The following SEMA6B variants were observed in gnomAD, a reference collection of about 807,000 sequenced individuals.
The protein encoded by SEMA6B is semaphorin 6B.
Under a neutral mutation model 78.6 loss-of-function variants are expected in SEMA6B, and 47 were observed. That is an observed-to-expected ratio of 0.60 (90% CI 0.47 to 0.76). The LOEUF (loss-of-function observed/expected upper bound fraction) is 0.76, where lower values mean the gene tolerates loss of function less well. SEMA6B is among the 30% of genes least tolerant of loss of function. SEMA6B has a pLI of 0.00. For synonymous variants in SEMA6B, 632 were observed against 592.2 expected (o/e 1.07, Z -0.98); for missense variants, 1,213 against 1,269.9 (o/e 0.96, Z 0.68).
In SEMA6B at chr19:4,543,894, G is replaced by T. The variant is rs1000923239; in HGVS notation, c.2374C>A (p.His792Asn). Reference sequence around the variant, plus strand: ...ACCCGCCGGCGGTCCGGGCTGGCGTGGGGGGTGAGCGGGAAGTCGCCGTGG... The same window carrying T: ...ACCCGCCGGCGGTCCGGGCTGGCGTTGGGGGTGAGCGGGAAGTCGCCGTGG... ...ASHGDFPLTP[H>N]ASPDRRRVVS... Residue 792 changes from histidine (H) to asparagine (N), a missense_variant, in exon 17 of 17, where the codon CAC (histidine) becomes AAC (asparagine). Physicochemically the swap from His to Asn is moderately conservative, Grantham distance 68. Coordinates refer to ENST00000586582, the MANE Select transcript of SEMA6B (RefSeq NM_032108.4). 110 of 1,204,416 alleles carry T rather than the reference G, an allele frequency of 9.1e-5. No individual in the cohort carries two copies. Among genetic ancestry groups the T allele is most frequent in the South Asian group, 1.7e-4 (4 of 24,120 alleles). The allele number at this position is 1,204,416 out of a possible 1,614,324, so 74.6% of individuals were successfully genotyped here.
At chr19:4,557,107 C>T in intron 4 of SEMA6B, 56 bp downstream of exon 4, 1 of 1,589,872 alleles carries the variant, frequency 6.3e-7, no homozygotes, top group Non-Finnish European at 8.6e-7. Flanking sequence ...CTCCCCGGCG[C>T]AGTGCCGCGT....
At chr19:4,546,160 C>A in intron 16 of SEMA6B, 56 bp downstream of exon 16, 2 of 1,514,760 alleles carry the variant, frequency 1.3e-6, no homozygotes, top group South Asian at 2.4e-5. Flanking sequence ...CTCCTCCCTC[C>A]CCTCCCCCAT....
rs544160205 is a variant in SEMA6B, at chr19:4,544,078, C to T, written c.2190G>A (p.Leu730=). 1.5e-4 allele frequency: 186 copies of T among 1,240,102 alleles called. 4 individuals are homozygous for T. In the African/African-American group the frequency reaches 2.4e-3, roughly 16 times the overall value. 76.8% of individuals were successfully genotyped at this position (1,240,102 alleles called of 1,614,324 possible). A position where few individuals can be genotyped will look rare whatever the true frequency, so the allele number is the denominator to read the frequency against. ...GGCCGTGGTCCCAGGCGCGGGGGCC[C>T]AGGGCGTGGGGGTGCGGGTGCGGAG... is the stretch of plus-strand genomic sequence containing the variant. ...LPTPHPHPHA[L]GPRAWDHGHP... is the part of the protein sequence containing the mutation. Residue 730 remains leucine, a synonymous_variant, in exon 17 of 17, where the codon CTG becomes CTA. Coordinates refer to ENST00000586582, the MANE Select transcript of SEMA6B (RefSeq NM_032108.4). This position sits in a 1 kb window ranked among gnomAD's most constrained non-coding sequence, Gnocchi z 5.1.
chr19:4,550,833 T>C lies in SEMA6B; in HGVS notation c.1087A>G (p.Thr363Ala), dbSNP rs1341603698. The change falls in exon 11 of 17, where the codon ACG becomes GCG. Residue 363 changes from threonine to alanine, a missense_variant. Transcript: ENST00000586582. The surrounding 1 kb of genome is among the most constrained non-coding windows in gnomAD (Gnocchi z 6.6). ...REQKSPESIWTPVPEDQVPRP... is the reference protein window; with the variant it reads ...REQKSPESIWAPVPEDQVPRP... ...GGCACCTGATCCTCCGGCACCGGCG[T>C]CCAGATGGACTCGGGGGACTTCTGC... is the stretch of plus-strand genomic sequence containing the variant. The C allele has an allele frequency of 6.2e-7, 1 of 1,613,376 alleles. No individual in the cohort carries two copies. Among genetic ancestry groups the C allele is most frequent in the Non-Finnish European group, 8.5e-7 (1 of 1,179,982 alleles).
intron 12 of SEMA6B, among the ~76,000 whole-genome samples, chr19:4,548,887 G>C (rs186547688): frequency 5.9e-5 from 9 of 152,296 alleles, no homozygotes; most frequent in Non-Finnish European, 7.4e-5. Flanking sequence ...CCAGGCTGCA[G>C]TGTAGTGGCT....
intron 16 of SEMA6B, 82 bp downstream of exon 16, chr19:4,546,134 T>G: frequency 7.3e-7 from 1 of 1,364,904 alleles, no homozygotes; most frequent in Non-Finnish European, 9.9e-7. Context: ...CCCAGAGGAT[T>G]CGAGGGTCCT....
In SEMA6B at chr19:4,550,295, C is replaced by T; in HGVS notation, c.1122-23G>A. The stretch of plus-strand genomic sequence containing the variant: ...GGCCTGGGGGTGACAAGGGTGTGGT[C>T]AGGACGAACGTAAAGGTTCTCATAA... On this transcript the variant is annotated intron_variant, in intron 11 of 16. Coordinates refer to ENST00000586582, the MANE Select transcript of SEMA6B (RefSeq NM_032108.4). The surrounding 1 kb of genome is among the most constrained non-coding windows in gnomAD (Gnocchi z 6.6). 1.2e-6 allele frequency: 2 copies of T among 1,613,056 alleles called. No individual in the cohort carries two copies. The highest frequency in any genetic ancestry group is 8.5e-7 in the Non-Finnish European group (1 of 1,179,694).
chr19:4,555,277 T>C lies in SEMA6B; in HGVS notation c.563-182A>G, dbSNP rs1047163771. ...CAAGCCCTGACCTTAACTGAGCCCCTGACCCCGGCTAAGCCCCAAATCCCG... is the reference window on the plus strand; with the variant it reads ...CAAGCCCTGACCTTAACTGAGCCCCCGACCCCGGCTAAGCCCCAAATCCCG... On this transcript the variant is annotated intron_variant, in intron 7 of 16. Coordinates refer to ENST00000586582, the MANE Select transcript of SEMA6B (RefSeq NM_032108.4). The surrounding 1 kb of genome is among the most constrained non-coding windows in gnomAD (Gnocchi z 6.1). Among the ~76,000 whole-genome samples the C allele has an allele frequency of 1.3e-5, 2 of 152,094 alleles. No homozygotes were observed. Among genetic ancestry groups the C allele is most frequent in the African/African-American group, 4.8e-5 (2 of 41,416 alleles).
At position 4,555,168 on chromosome 19, in the gene SEMA6B, C is replaced by T. The variant is rs1297608104; in HGVS notation, c.563-73G>A. ...GCCAGGGGCTGGGTGGGTCGAAACT[C>T]GATTTTCTGAGACTGAGTCCTGAGC... On this transcript the variant is annotated intron_variant, in intron 7 of 16. Coordinates refer to ENST00000586582, the MANE Select transcript of SEMA6B (RefSeq NM_032108.4). This position sits in a 1 kb window ranked among gnomAD's most constrained non-coding sequence, Gnocchi z 6.1. 9 of 1,527,454 alleles carry T rather than the reference C, an allele frequency of 5.9e-6. No homozygotes were observed. The highest frequency in any genetic ancestry group is 4.5e-6 in the Non-Finnish European group (5 of 1,113,352). 94.6% of individuals were successfully genotyped at this position (1,527,454 alleles called of 1,614,324 possible). A position where few individuals can be genotyped will look rare whatever the true frequency, so the allele number is the denominator to read the frequency against.
chr19:4,550,351 C>T lies in SEMA6B; in HGVS notation c.1122-79G>A. ...CCTGATTCACCAGAGGTACCCATTG[C>T]TTTGCCCAACGACCCTCAGGTTTTT... is the stretch of plus-strand genomic sequence containing the variant. On this transcript the variant is annotated intron_variant, in intron 11 of 16. Transcript: ENST00000586582. The surrounding 1 kb of genome is among the most constrained non-coding windows in gnomAD (Gnocchi z 6.6). 2.7e-6 allele frequency: 4 copies of T among 1,480,420 alleles called. No homozygotes were observed. The highest frequency in any genetic ancestry group is 3.7e-6 in the Non-Finnish European group (4 of 1,071,976). 91.7% of individuals were successfully genotyped at this position (1,480,420 alleles called of 1,614,324 possible).
chr19:4,552,468 C>G lies in SEMA6B; in HGVS notation c.943G>C (p.Gly315Arg). The G allele has an allele frequency of 6.2e-7, 1 of 1,608,138 alleles. No homozygotes were observed. Among genetic ancestry groups the G allele is most frequent in the Non-Finnish European group, 8.5e-7 (1 of 1,177,916 alleles). ...ACGGCCAGGACCACGGGCCGGCCCC[C>G]GAGGCTGACCACGCCCGTGACAGCC... is the stretch of plus-strand genomic sequence containing the variant. ...LQAVTGVVSL[G>R]GRPVVLAVFS... The change falls in exon 10 of 17, where the codon GGG (glycine) becomes CGG (arginine). Residue 315 changes from glycine (G) to arginine (R), a missense_variant. Gly to Arg is a moderately radical substitution (Grantham distance 125). Transcript: ENST00000586582. This position sits in a 1 kb window ranked among gnomAD's most constrained non-coding sequence, Gnocchi z 7.4.
chr19:4,548,816 C>G (rs899437589), intron 12 of SEMA6B, among the ~76,000 whole-genome samples: 4 of 152,266 alleles, frequency 2.6e-5, no homozygotes, highest in African/African-American at 9.6e-5. Flanking sequence ...TACAGGCACA[C>G]GCCATCACGC....
Position 4,552,584 on chromosome 19 carries a change from C to T in SEMA6B, c.827G>A (p.Arg276His), listed in dbSNP as rs1977361043. Residue 276 changes from arginine (R) to histidine (H), a missense_variant, in exon 10 of 17, where the codon CGC (arginine) becomes CAC (histidine). Physicochemically the swap from Arg to His is conservative, Grantham distance 29 (BLOSUM62 0). Coordinates refer to ENST00000586582, the MANE Select transcript of SEMA6B (RefSeq NM_032108.4). This position sits in a 1 kb window ranked among gnomAD's most constrained non-coding sequence, Gnocchi z 7.4. ...VCKNDVGGSP[R>H]VLEKQWTSFL... ...GGACGTCCACTGCTTCTCCAGCACG[C>T]GGGGGGAGCCTCCCACGTCGTTCTT... 4.3e-6 allele frequency: 7 copies of T among 1,612,622 alleles called. No individual in the cohort carries two copies. The highest frequency in any genetic ancestry group is 5.9e-6 in the Non-Finnish European group (7 of 1,179,794).
In SEMA6B at chr19:4,548,102, C is replaced by T. The variant is rs1421800010; in HGVS notation, c.1526G>A (p.Gly509Asp). The T allele has an allele frequency of 6.3e-6, 10 of 1,589,506 alleles. No individual in the cohort carries two copies. Among genetic ancestry groups the T allele is most frequent in the Non-Finnish European group, 8.5e-6 (10 of 1,173,268 alleles). The change falls in exon 14 of 17, where the codon GGC (glycine) becomes GAC (aspartate). Residue 509 changes from glycine to aspartate, a missense_variant. By Grantham distance (94) the Gly-to-Asp change is moderately conservative. Coordinates refer to ENST00000586582, the MANE Select transcript of SEMA6B (RefSeq NM_032108.4). The part of the protein sequence containing the change: ...LSLELDAASG[G>D]LLAAFPRCVV... ...GCAGCGGGGGAAGGCAGCCAGCAGG[C>T]CCCCCGAAGCTGCGTCCAGCTCCAA...
intron 4 of SEMA6B, 32 bp downstream of exon 4, chr19:4,557,131 C>G (rs755733345): frequency 1.3e-6 from 2 of 1,599,134 alleles, no homozygotes; most frequent in Middle Eastern, 1.7e-4. Context: ...CCTGGCCCTA[C>G]CCCTCCACTC....
Position 4,558,477 on chromosome 19 carries a change from G to A in SEMA6B, c.-20C>T, listed in dbSNP as rs1055063043. ...CTGCATGGCGAGGGCCAGGCGACAG[G>A]AGGAGGTGACGCCTGCGGGCAAGGG... On this transcript the variant is annotated 5_prime_UTR_variant, in exon 2 of 17. Coordinates refer to ENST00000586582, the MANE Select transcript of SEMA6B (RefSeq NM_032108.4). This position sits in a 1 kb window ranked among gnomAD's most constrained non-coding sequence, Gnocchi z 5.1. 3.2e-6 allele frequency: 4 copies of A among 1,239,158 alleles called. No individual in the cohort carries two copies. In the African/African-American group the frequency reaches 4.7e-5, roughly 14 times the overall value. 76.8% of individuals were successfully genotyped at this position (1,239,158 alleles called of 1,614,324 possible).
intron 9 of SEMA6B, among the ~76,000 whole-genome samples, chr19:4,553,087 G>A (rs533096538): frequency 2.6e-4 from 39 of 152,294 alleles, no homozygotes; most frequent in African/African-American, 8.7e-4. Flanking sequence ...ATGGACGGAC[G>A]ATTACAATGG....
In SEMA6B at chr19:4,548,076, C is replaced by T. The variant is rs183820829; in HGVS notation, c.1552G>A (p.Val518Met). ...GGLLAAFPRCVVRVPVARCQQ... is the reference protein window; with the variant it reads ...GGLLAAFPRCMVRVPVARCQQ... ...CAGCGAGCCACAGGCACTCGGACCA[C>T]GCAGCGGGGGAAGGCAGCCAGCAGG... The change falls in exon 14 of 17, where the codon GTG (valine) becomes ATG (methionine). Residue 518 changes from valine (V) to methionine (M), a missense_variant. Physicochemically the swap from Val to Met is conservative, Grantham distance 21. Coordinates refer to ENST00000586582, the MANE Select transcript of SEMA6B (RefSeq NM_032108.4). 229 of 1,590,640 alleles carry T rather than the reference C, an allele frequency of 1.4e-4. 1 individual carries two copies. Among genetic ancestry groups the T allele is most frequent in the East Asian group, 1.0e-3 (46 of 44,608 alleles).
intron 10 of SEMA6B, among the ~76,000 whole-genome samples, chr19:4,551,329 C>T (rs984493806): frequency 1.3e-5 from 2 of 151,282 alleles, no homozygotes; most frequent in Admixed American, 6.6e-5. Flanking sequence ...AAGCAATTCT[C>T]CTGCCTCAGT....
Sources: allele counts gnomAD v4.1 joint callset (sites outside exome capture counted in the v4.1 genomes callset), GRCh38; gene constraint gnomAD v4.1.1; non-coding constraint Gnocchi (gnomAD v3.1); transcripts MANE v1.5; gene names NCBI Gene and HGNC (gene_info 2026-07-23, HGNC 2026-07-21).